The following ITPRID1 variants were observed in gnomAD, a reference collection of about 807,000 sequenced individuals.
ITPRID1 encodes the protein protein ITPRID1.
Under a neutral mutation model 95.4 loss-of-function variants are expected in ITPRID1, and 96 were observed. That is an observed-to-expected ratio of 1.01 (90% confidence interval 0.85 to 1.19). ITPRID1 has a LOEUF of 1.19. ITPRID1 is among the 50% of genes most tolerant of loss of function. The pLI is 0.00. For synonymous variants in ITPRID1, 510 were observed against 453.6 expected, an observed-to-expected ratio of 1.12 and a Z score of -1.58; for missense variants, 1,339 against 1,252.9, an observed-to-expected ratio of 1.07 and a Z score of -1.04.
intron 5 of ITPRID1, among the ~76,000 whole-genome samples, chr7:31,563,527 G>C (rs751818464): frequency 1.3e-5 from 2 of 152,154 alleles, no homozygotes; most frequent in African/African-American, 2.4e-5. Context: ...CACCTGAAAA[G>C]GTCGTGAATA....
downstream of ITPRID1, among the ~76,000 whole-genome samples, chr7:31,657,693 T>C (rs1274378334): frequency 6.6e-6 from 1 of 152,172 alleles, no homozygotes; most frequent in Non-Finnish European, 1.5e-5. Context: ...TTTTTTGTTT[T>C]ATGCATTGAC....
chr7:31,594,209 T>G (rs1266895253), intron 10 of ITPRID1, among the ~76,000 whole-genome samples: 1 of 152,216 alleles, frequency 6.6e-6, no homozygotes, highest in Non-Finnish European at 1.5e-5. Context: ...CTATACCATC[T>G]AACCTAGGTG....
intron 7 of ITPRID1, among the ~76,000 whole-genome samples, chr7:31,573,574 G>A (rs1458076544): frequency 6.6e-6 from 1 of 151,722 alleles, no homozygotes; most frequent in Non-Finnish European, 1.5e-5. Context: ...ATCTCAAATA[G>A]GCTCATTATT....
intron 1 of ITPRID1, among the ~76,000 whole-genome samples, chr7:31,548,816 G>A (rs543713242): frequency 6.6e-6 from 1 of 152,158 alleles, no homozygotes; most frequent in South Asian, 2.1e-4. Context: ...TTTGAGAATA[G>A]GAGGGGTTCT....
At chr7:31,560,174 T>G (rs1345153599) in intron 5 of ITPRID1, among the ~76,000 whole-genome samples, 2 of 152,154 alleles carry the variant, frequency 1.3e-5, no homozygotes, top group Non-Finnish European at 2.9e-5. Context: ...AGATGGCATA[T>G]GCAAAGCCAG....
chr7:31,516,364 T>A (rs1000947961), intron 1 of ITPRID1, among the ~76,000 whole-genome samples: 4 of 152,214 alleles, frequency 2.6e-5, no homozygotes, highest in Non-Finnish European at 4.4e-5. Flanking sequence ...AACCTTAGAC[T>A]CTATAAAAAG....
intron 2 of ITPRID1, among the ~76,000 whole-genome samples, chr7:31,551,046 A>G (rs963158578): frequency 4.2e-5 from 6 of 143,650 alleles, no homozygotes; most frequent in African/African-American, 7.3e-5. Context: ...ACTTTCAGCC[A>G]AAATCAGTGA....
At chr7:31,521,757 C>A in intron 1 of ITPRID1, among the ~76,000 whole-genome samples, 1 of 144,832 alleles carries the variant, frequency 6.9e-6, no homozygotes, top group Admixed American at 6.9e-5. Flanking sequence ...GCCTCGTTCT[C>A]TCACCCAAGC....
chr7:31,653,401 G>A lies in ITPRID1; in HGVS notation c.*572G>A, dbSNP rs917699063. On this transcript the variant is annotated 3_prime_UTR_variant, in exon 15 of 15. Coordinates refer to ENST00000615280, the MANE Select transcript of ITPRID1 (RefSeq NM_001257967.3). ...AGCTCAGTGGATCTGCACTTTTACA[G>A]AAGGTAAAATAAACATAGGGCAGAG... 5 of 153,364 alleles carry A rather than the reference G, an allele frequency of 3.3e-5. No individual in the cohort carries two copies. The highest frequency in any genetic ancestry group is 1.2e-4 in the African/African-American group (5 of 41,344). 9.5% of individuals were successfully genotyped at this position (153,364 alleles called of 1,614,324 possible). A position where few individuals can be genotyped will look rare whatever the true frequency, so the allele number is the denominator to read the frequency against.
intron 10 of ITPRID1, 37 bp downstream of exon 10, chr7:31,583,228 T>C (rs1398220260): frequency 7.2e-7 from 1 of 1,385,694 alleles, no homozygotes; most frequent in South Asian, 1.2e-5. Context: ...TCATCAATGG[T>C]CTTTCAGAAT....
At chr7:31,634,050 G>A (rs1447641823) in intron 10 of ITPRID1, among the ~76,000 whole-genome samples, 1 of 152,142 alleles carries the variant, frequency 6.6e-6, no homozygotes, top group South Asian at 2.1e-4. Context: ...CCATTCCAAA[G>A]GTCCTTTGGC....
intron 10 of ITPRID1, among the ~76,000 whole-genome samples, chr7:31,628,807 A>G (rs975414449): frequency 6.6e-6 from 1 of 152,164 alleles, no homozygotes; most frequent in Non-Finnish European, 1.5e-5. Flanking sequence ...TAACTACGAA[A>G]TGTGAGGAAA....
At chr7:31,521,581 G>A (rs1222576813) in intron 1 of ITPRID1, among the ~76,000 whole-genome samples, 1 of 151,900 alleles carries the variant, frequency 6.6e-6, no homozygotes, top group Non-Finnish European at 1.5e-5. Flanking sequence ...ATGTGTCCGA[G>A]GAAAGTTGTT....
At chr7:31,586,820 G>A (rs1331932969) in intron 10 of ITPRID1, among the ~76,000 whole-genome samples, 1 of 151,718 alleles carries the variant, frequency 6.6e-6, no homozygotes, top group Admixed American at 6.6e-5. Context: ...AGTTTCTTTT[G>A]CTGTGCAGAA....
intron 1 of ITPRID1, among the ~76,000 whole-genome samples, chr7:31,539,311 A>G (rs990729496): frequency 6.6e-6 from 1 of 152,040 alleles, no homozygotes; most frequent in African/African-American, 2.4e-5. Flanking sequence ...CAGCCCCCCA[A>G]GTAGCTGGGA....
intron 1 of ITPRID1, among the ~76,000 whole-genome samples, chr7:31,525,436 A>G (rs1002179135): frequency 6.6e-6 from 1 of 152,214 alleles, no homozygotes; most frequent in African/African-American, 2.4e-5. Context: ...GTCTCTAGAC[A>G]TTGCCAAAGG....
At chr7:31,632,736 C>T (rs1048180936) in intron 10 of ITPRID1, among the ~76,000 whole-genome samples, 1 of 152,098 alleles carries the variant, frequency 6.6e-6, no homozygotes, top group Non-Finnish European at 1.5e-5. Context: ...ATCCCTACTA[C>T]TGAAGCCCAG....
chr7:31,642,640 C>T (rs1227923016), intron 11 of ITPRID1, 42 bp from the exon 12 acceptor site: 2 of 1,564,202 alleles, frequency 1.3e-6, no homozygotes, highest in East Asian at 4.5e-5. Flanking sequence ...TTGCCTCCTC[C>T]ACTTCCTGAC....
At chr7:31,520,542 TGTGTGTGTGTGTGTGTGTGTGTGA>T (rs769206840) in intron 1 of ITPRID1, among the ~76,000 whole-genome samples, 52 of 84,662 alleles carry the variant, frequency 6.1e-4, no homozygotes, top group Middle Eastern at 0.011. Context: ...TGTGTGTGTG[TGTGTGTGTGTGTGTGTGTGTGTGA>T]GAGAGAGAGA....
Sources: gnomAD v4.1 joint callset for allele counts (sites outside exome capture counted in the v4.1 genomes callset) on GRCh38, gnomAD v4.1.1 for gene constraint, MANE v1.5 for transcripts, NCBI Gene and HGNC (gene_info 2026-07-23, HGNC 2026-07-21) for gene names.